The following RAD52 variants were observed in gnomAD, a reference collection of about 807,000 sequenced individuals.
RAD52 encodes DNA repair protein RAD52 homolog.
Under a neutral mutation model 55.5 loss-of-function variants are expected in RAD52, and 47 were observed. The observed-to-expected ratio is 0.85, with a 90% CI of 0.67 to 1.08. The LOEUF (loss-of-function observed/expected upper bound fraction) is 1.08, where lower values mean the gene tolerates loss of function less well. Among genes scored for constraint, RAD52 ranks in the 50% least tolerant of loss-of-function variants. RAD52 has a pLI of 0.00. For synonymous variants in RAD52, 184 were observed against 198.9 expected, an observed-to-expected ratio of 0.92 and a Z score of 0.63; for missense variants, 468 against 522.8, an observed-to-expected ratio of 0.90 and a Z score of 1.02.
intron 1 of RAD52, among the ~76,000 whole-genome samples, chr12:948,224 T>C (rs1958364028): frequency 6.6e-6 from 1 of 152,128 alleles, no homozygotes; most frequent in Non-Finnish European, 1.5e-5. Context: ...TATTGTATAA[T>C]ACAGTACTGA....
chr12:988,358 T>C (rs1268031434), intron 1 of RAD52, among the ~76,000 whole-genome samples: 1 of 152,178 alleles, frequency 6.6e-6, no homozygotes, highest in Non-Finnish European at 1.5e-5. Context: ...TTCTCTGAAG[T>C]TTCTGTTTAT....
At chr12:952,742 A>C (rs187410937), upstream of RAD52, among the ~76,000 whole-genome samples, 1 of 149,254 alleles carries the variant, frequency 6.7e-6, no homozygotes, top group Non-Finnish European at 1.5e-5. Context: ...AAATACAAAA[A>C]TTAGCTGGGC....
intron 1 of RAD52, among the ~76,000 whole-genome samples, chr12:961,332 A>AAAAAAAAAAAAAAAAC (rs1958682589): frequency 7.0e-6 from 1 of 142,174 alleles, no homozygotes; most frequent in African/African-American, 2.6e-5. Context: ...AAAAAAAAAA[A>AAAAAAAAAAAAAAAAC]GGGCCAGTGA....
chr12:936,036 G>C (rs1054079435), intron 1 of RAD52, among the ~76,000 whole-genome samples: 4 of 151,982 alleles, frequency 2.6e-5, no homozygotes, highest in Admixed American at 2.0e-4. Flanking sequence ...GGGCACGGTG[G>C]CTCACACTTG....
chr12:937,051 G>T (rs1386743369), intron 1 of RAD52, among the ~76,000 whole-genome samples: 2 of 152,182 alleles, frequency 1.3e-5, no homozygotes, highest in Non-Finnish European at 2.9e-5. Flanking sequence ...GCACAACCTA[G>T]AAGTCTATGG....
At chr12:962,363 C>T (rs1453387565) in intron 1 of RAD52, among the ~76,000 whole-genome samples, 1 of 147,024 alleles carries the variant, frequency 6.8e-6, no homozygotes, top group African/African-American at 2.5e-5. Flanking sequence ...TTTTTTGAGA[C>T]GGAGTCTTGC....
intron 1 of RAD52, among the ~76,000 whole-genome samples, chr12:973,331 AGTGCTGGGATTACAGGT>A: frequency 6.6e-6 from 1 of 152,140 alleles, no homozygotes; most frequent in Non-Finnish European, 1.5e-5. Flanking sequence ...GGCCTCCCAA[AGTGCTGGGATTACAGGT>A]GTGAGCCACC....
At chr12:932,602 A>G (rs1185939047) in intron 2 of RAD52, among the ~76,000 whole-genome samples, 1 of 152,016 alleles carries the variant, frequency 6.6e-6, no homozygotes, top group African/African-American at 2.4e-5. Context: ...TATGTTATCT[A>G]TCCCCCCCCA....
chr12:940,838 C>G (rs1957883022), intron 1 of RAD52, among the ~76,000 whole-genome samples: 1 of 151,630 alleles, frequency 6.6e-6, no homozygotes, highest in African/African-American at 2.4e-5. Context: ...CACTCCTGCT[C>G]ACGAAATGCA....
At chr12:990,762 G>A (rs1049631513), upstream of RAD52, 3 of 152,218 alleles carry the variant, frequency 2.0e-5, no homozygotes, top group Admixed American at 6.5e-5. Context: ...TGGCTGCCCC[G>A]GGCGTAACGG....
intron 3 of RAD52, 100 bp downstream of exon 3, chr12:931,120 A>G: frequency 1.1e-6 from 1 of 935,434 alleles, no homozygotes; most frequent in Non-Finnish European, 1.6e-6. Context: ...AACAGTTAAC[A>G]GCAGACTTCC....
At chr12:925,595 T>A in intron 6 of RAD52, 70 bp from the exon 7 acceptor site, 1 of 1,311,502 alleles carries the variant, frequency 7.6e-7, no homozygotes, top group African/African-American at 1.5e-5. Flanking sequence ...AGAATAGAAT[T>A]ACAACTTTTG....
chr12:922,241 G>A (rs934198793), intron 7 of RAD52, among the ~76,000 whole-genome samples: 1 of 147,312 alleles, frequency 6.8e-6, no homozygotes, highest in African/African-American at 2.5e-5. Context: ...AACAAGTGCT[G>A]GTTAGGATTT....
At chr12:914,737 T>G (rs929572347) in intron 9 of RAD52, among the ~76,000 whole-genome samples, 2 of 152,224 alleles carry the variant, frequency 1.3e-5, no homozygotes, top group African/African-American at 2.4e-5. Context: ...TTTGAATTCT[T>G]CTCACCAGTG....
At chr12:983,142 A>C (rs1265484418) in intron 1 of RAD52, among the ~76,000 whole-genome samples, 1 of 152,086 alleles carries the variant, frequency 6.6e-6, no homozygotes, top group Non-Finnish European at 1.5e-5. Flanking sequence ...GAGCAGCTGC[A>C]CACGGCTCAA....
At chr12:962,172 G>A (rs1319812024) in intron 1 of RAD52, among the ~76,000 whole-genome samples, 1 of 152,168 alleles carries the variant, frequency 6.6e-6, no homozygotes, top group Non-Finnish European at 1.5e-5. Flanking sequence ...ATGGTCTACT[G>A]TGTAGGACAT....
chr12:914,401 A>G, intron 10 of RAD52, 30 bp downstream of exon 10: 1 of 1,612,820 alleles, frequency 6.2e-7, no homozygotes, highest in Non-Finnish European at 8.5e-7. Context: ...CATACAGCAC[A>G]GTAGCTTACA....
chr12:926,451 C>T (rs1177496558), intron 6 of RAD52, among the ~76,000 whole-genome samples: 2 of 151,994 alleles, frequency 1.3e-5, no homozygotes, highest in Non-Finnish European at 2.9e-5. Flanking sequence ...CTGCACTGAG[C>T]GATGACGGCA....
chr12:962,406 T>C (rs1167299730), intron 1 of RAD52, among the ~76,000 whole-genome samples: 4 of 149,124 alleles, frequency 2.7e-5, no homozygotes, highest in African/African-American at 9.9e-5. Context: ...AGTGGCCTGA[T>C]CTCGGCTCAC....
Sources: allele counts gnomAD v4.1 joint callset (sites outside exome capture counted in the v4.1 genomes callset), GRCh38; gene constraint gnomAD v4.1.1; transcripts MANE v1.5; gene names NCBI Gene and HGNC (gene_info 2026-07-23, HGNC 2026-07-21).